Variants in SPATA22 observed in about 807,000 individuals in gnomAD.
The protein encoded by SPATA22 is spermatogenesis associated 22.
A neutral mutation model predicts 47.8 loss-of-function variants in SPATA22; 29 were observed. That is an observed-to-expected ratio of 0.61 (90% CI 0.45 to 0.83). The LOEUF (loss-of-function observed/expected upper bound fraction) is 0.83, where lower values mean the gene tolerates loss of function less well. SPATA22 is among the 40% of genes least tolerant of loss of function. The pLI, the probability that SPATA22 is intolerant of heterozygous loss-of-function variation, is 0.00. For missense variants in SPATA22, 410 were observed against 421.7 expected (o/e 0.97, Z 0.24); for synonymous variants, 133 against 140.9 (o/e 0.94, Z 0.40).
In SPATA22 at chr17:3,462,488, A is replaced by G; in HGVS notation, c.324T>C (p.Gly108=). 1.3e-6 allele frequency: 2 copies of G among 1,598,590 alleles called. No individual in the cohort carries two copies. The highest frequency in any genetic ancestry group is 1.7e-6 in the Non-Finnish European group (2 of 1,175,338). Residue 108 remains glycine (G), a synonymous_variant, in exon 5 of 9, where the codon GGT becomes GGC. Coordinates refer to ENST00000572969, the MANE Select transcript of SPATA22 (RefSeq NM_001170698.2). ...IQSNTGRSQG[G]WSYRDGNKNT... ...GAAATTTTAAGTAGACTCACCTCCA[A>G]CCACCCTGGCTTCTTCCAGTATTTG... is the stretch of plus-strand genomic sequence containing the variant.
chr17:3,466,787 T>C (rs1338947910), intron 3 of SPATA22, among the ~76,000 whole-genome samples: 1 of 152,206 alleles, frequency 6.6e-6, no homozygotes, highest in Non-Finnish European at 1.5e-5. Flanking sequence ...CCCTCATACC[T>C]TTTATAAAGT....
chr17:3,493,855 C>T (rs1012899516), intron 1 of SPATA22, among the ~76,000 whole-genome samples: 17 of 152,182 alleles, frequency 1.1e-4, no homozygotes, highest in African/African-American at 2.9e-4. Flanking sequence ...TACCTCTGGC[C>T]GTCGGCGTGT....
chr17:3,449,463 A>G (rs2072807758), intron 5 of SPATA22, among the ~76,000 whole-genome samples: 1 of 152,204 alleles, frequency 6.6e-6, no homozygotes, highest in Admixed American at 6.5e-5. Context: ...TTTTTAAATG[A>G]TAGCATTCTT....
chr17:3,447,938 A>T (rs2072764183), intron 6 of SPATA22, among the ~76,000 whole-genome samples: 1 of 152,176 alleles, frequency 6.6e-6, no homozygotes, highest in Non-Finnish European at 1.5e-5. Context: ...GCCTTCCACA[A>T]CAGAGAAGGG....
chr17:3,493,827 T>C (rs928672739), intron 1 of SPATA22, among the ~76,000 whole-genome samples: 2 of 152,112 alleles, frequency 1.3e-5, no homozygotes, highest in African/African-American at 4.8e-5. Context: ...TCAAACTGGC[T>C]TTTTCAGTTC....
At chr17:3,470,723 C>T (rs2073411132) in intron 1 of SPATA22, among the ~76,000 whole-genome samples, 1 of 150,738 alleles carries the variant, frequency 6.6e-6, no homozygotes, top group Non-Finnish European at 1.5e-5. Flanking sequence ...TGCACTCCAG[C>T]CTGGGCGACA....
chr17:3,471,998 A>T, upstream of SPATA22: 1 of 363,210 alleles, frequency 2.8e-6, no homozygotes, highest in Non-Finnish European at 3.8e-6. Flanking sequence ...TTGCCCAGAG[A>T]GGAAAGGAGA....
At chr17:3,442,137 T>C (rs1431775283) in intron 8 of SPATA22, among the ~76,000 whole-genome samples, 1 of 151,972 alleles carries the variant, frequency 6.6e-6, no homozygotes, top group African/African-American at 2.4e-5. Flanking sequence ...TCTGTACATG[T>C]TATACTGCAA....
At chr17:3,503,397 C>G (rs2074012445) in intron 1 of SPATA22, 2 of 152,258 alleles carry the variant, frequency 1.3e-5, no homozygotes, top group South Asian at 4.1e-4. Flanking sequence ...AAACTCTCTT[C>G]CTTCTGAATT....
chr17:3,469,469 G>T, intron 1 of SPATA22, 71 bp from the exon 2 acceptor site: 1 of 608,754 alleles, frequency 1.6e-6, no homozygotes, highest in Non-Finnish European at 2.8e-6. Context: ...AGTGATTACT[G>T]AAATTATGGT....
upstream of SPATA22, among the ~76,000 whole-genome samples, chr17:3,476,697 A>G (rs778947153): frequency 6.6e-6 from 1 of 152,216 alleles, no homozygotes; most frequent in Non-Finnish European, 1.5e-5. Flanking sequence ...TCATACCTTT[A>G]AAGAAACAGA....
upstream of SPATA22, among the ~76,000 whole-genome samples, chr17:3,473,664 A>G (rs938458942): frequency 6.6e-6 from 1 of 152,040 alleles, no homozygotes; most frequent in Admixed American, 6.6e-5. Flanking sequence ...ACGCCCAGGT[A>G]ATTTTGTATT....
At chr17:3,513,318 C>G (rs907779662) in intron 1 of SPATA22, 1 of 152,662 alleles carries the variant, frequency 6.6e-6, no homozygotes, top group African/African-American at 2.4e-5. Flanking sequence ...TGTCAGGGGA[C>G]GTTCACTCCA....
upstream of SPATA22, among the ~76,000 whole-genome samples, chr17:3,474,639 C>T (rs1361100540): frequency 6.6e-6 from 1 of 152,052 alleles, no homozygotes; most frequent in Admixed American, 6.6e-5. Flanking sequence ...GGTTATTTTG[C>T]TTTCTCTATC....
At chr17:3,444,378 A>G (rs908216386) in intron 7 of SPATA22, among the ~76,000 whole-genome samples, 1 of 152,112 alleles carries the variant, frequency 6.6e-6, no homozygotes, top group Non-Finnish European at 1.5e-5. Flanking sequence ...TGCAATAGGC[A>G]TGTTACCAAG....
chr17:3,456,468 A>C (rs12940339), intron 5 of SPATA22, among the ~76,000 whole-genome samples: 2 of 136,690 alleles, frequency 1.5e-5, no homozygotes, highest in Admixed American at 7.8e-5. Flanking sequence ...TAAATTCCTC[A>C]ACACATACAC....
At chr17:3,448,605 A>AAGGAG (rs2054790929) in intron 6 of SPATA22, among the ~76,000 whole-genome samples, 1 of 152,236 alleles carries the variant, frequency 6.6e-6, no homozygotes, top group African/African-American at 2.4e-5. Flanking sequence ...TTGAAAGGAA[A>AAGGAG]AGGAGCAGCC....
chr17:3,460,955 C>G (rs544302038), intron 5 of SPATA22, among the ~76,000 whole-genome samples: 17 of 152,246 alleles, frequency 1.1e-4, no homozygotes, highest in African/African-American at 3.6e-4. Context: ...CCTTACTAAT[C>G]TTACTAATTG....
Position 3,440,265 on chromosome 17 carries a change from A to G in SPATA22, c.974T>C (p.Ile325Thr). The change falls in exon 9 of 9, where the codon ATT becomes ACT. Residue 325 changes from isoleucine to threonine, a missense_variant. Transcript: ENST00000572969. ...CGGTCTGACAGAAACACATTGGAAA[A>G]TGTTCTTTTTCTGGTCATAGTTGCC... is the stretch of plus-strand genomic sequence containing the variant. ...CVGNYDQKKN[I>T]FQCVSVRPAS... 1 of 1,611,426 alleles carries G rather than the reference A, an allele frequency of 6.2e-7. No homozygotes were observed. Among genetic ancestry groups the G allele is most frequent in the Non-Finnish European group, 8.5e-7 (1 of 1,178,442 alleles).
Sources: gnomAD v4.1 joint callset for allele counts (sites outside exome capture counted in the v4.1 genomes callset) on GRCh38, gnomAD v4.1.1 for gene constraint, MANE v1.5 for transcripts, NCBI Gene and HGNC (gene_info 2026-07-23, HGNC 2026-07-21) for gene names.